Variants in MITF observed in about 807,000 individuals in gnomAD.
The protein encoded by MITF is microphthalmia-associated transcription factor.
MITF carries 17 observed loss-of-function variants against 60.5 expected under a neutral mutation model. That is an observed-to-expected ratio of 0.28 (90% CI 0.19 to 0.42). The LOEUF (loss-of-function observed/expected upper bound fraction) is 0.42, where lower values mean the gene tolerates loss of function less well. Ranked by LOEUF, MITF falls within the 10% of genes least tolerant of loss-of-function variation. MITF has a pLI of 1.00. For synonymous variants in MITF, 260 were observed against 248.5 expected, an observed-to-expected ratio of 1.05 and a Z score of -0.43; for missense variants, 622 against 683.5, an observed-to-expected ratio of 0.91 and a Z score of 1.00.
intron 1 of MITF, among the ~76,000 whole-genome samples, chr3:69,872,385 A>G (rs999711717): frequency 6.6e-6 from 1 of 152,282 alleles, no homozygotes; most frequent in Non-Finnish European, 1.5e-5. Context: ...CATTGTTCGT[A>G]TGTTACAGAG....
intron 2 of MITF, among the ~76,000 whole-genome samples, chr3:69,883,494 A>G (rs1160649254): frequency 6.6e-6 from 1 of 152,166 alleles, no homozygotes; most frequent in Non-Finnish European, 1.5e-5. Context: ...AAATTATGAA[A>G]TCTGCATGGA....
At chr3:69,888,731 C>T (rs1290744172) in intron 2 of MITF, among the ~76,000 whole-genome samples, 1 of 152,030 alleles carries the variant, frequency 6.6e-6, no homozygotes, top group African/African-American at 2.4e-5. Context: ...TATTGTGCAG[C>T]GATGGAAATG....
chr3:69,832,071 A>T (rs1402360485), intron 1 of MITF, among the ~76,000 whole-genome samples: 1 of 152,202 alleles, frequency 6.6e-6, no homozygotes, highest in Non-Finnish European at 1.5e-5. Context: ...ACTGCTACAT[A>T]ACAAATCATG....
chr3:69,930,787 G>A (rs768183530), intron 2 of MITF, among the ~76,000 whole-genome samples: 3 of 152,170 alleles, frequency 2.0e-5, no homozygotes, highest in Non-Finnish European at 4.4e-5. Context: ...CCAGACTTGT[G>A]GCATCACACT....
chr3:69,811,450 T>G (rs557103210), intron 1 of MITF, among the ~76,000 whole-genome samples: 12 of 152,290 alleles, frequency 7.9e-5, no homozygotes, highest in Admixed American at 7.2e-4. Context: ...CACAAAGCCC[T>G]CAGTATTCTC....
intron 2 of MITF, among the ~76,000 whole-genome samples, chr3:69,935,608 A>T (rs2065815463): frequency 6.6e-6 from 1 of 152,246 alleles, no homozygotes; most frequent in Non-Finnish European, 1.5e-5. Context: ...GGACTGCATT[A>T]TCCTGGGCAT....
At chr3:69,755,895 T>C (rs1426246457) in intron 1 of MITF, among the ~76,000 whole-genome samples, 1 of 152,190 alleles carries the variant, frequency 6.6e-6, no homozygotes, top group Non-Finnish European at 1.5e-5. Context: ...TGATTATTGC[T>C]CTCTGCCTAC....
chr3:69,743,763 TAGTC>T (rs1703620124), intron 1 of MITF, among the ~76,000 whole-genome samples: 1 of 152,164 alleles, frequency 6.6e-6, no homozygotes, highest in Admixed American at 6.5e-5. Flanking sequence ...CACATAGGCA[TAGTC>T]ATGGCAGGGA....
intron 1 of MITF, among the ~76,000 whole-genome samples, chr3:69,823,784 T>C (rs894294402): frequency 6.6e-6 from 1 of 152,260 alleles, no homozygotes; most frequent in African/African-American, 2.4e-5. Context: ...GGATCTTTTC[T>C]GTAAGAATTC....
intron 1 of MITF, among the ~76,000 whole-genome samples, chr3:69,856,088 A>G (rs1446931323): frequency 1.3e-5 from 2 of 152,182 alleles, no homozygotes; most frequent in African/African-American, 2.4e-5. Context: ...GGTTTTCTTT[A>G]TCAGACTGAA....
chr3:69,840,237 T>G (rs2063610797), intron 1 of MITF, among the ~76,000 whole-genome samples: 1 of 152,138 alleles, frequency 6.6e-6, no homozygotes, highest in South Asian at 2.1e-4. Flanking sequence ...GGGGTTTGCT[T>G]TCACCCCTTC....
At chr3:69,906,622 T>C (rs2065106104) in intron 2 of MITF, among the ~76,000 whole-genome samples, 1 of 152,144 alleles carries the variant, frequency 6.6e-6, no homozygotes, top group South Asian at 2.1e-4. Flanking sequence ...TGTATAATCT[T>C]TAACATTTTC....
chr3:69,748,607 A>G (rs1307254338), intron 1 of MITF, among the ~76,000 whole-genome samples: 1 of 152,240 alleles, frequency 6.6e-6, no homozygotes, highest in African/African-American at 2.4e-5. Flanking sequence ...GTCTAAGTGC[A>G]TGCCCTATAG....
intron 1 of MITF, among the ~76,000 whole-genome samples, chr3:69,822,762 C>G (rs2063295693): frequency 6.6e-6 from 1 of 152,170 alleles, no homozygotes; most frequent in Non-Finnish European, 1.5e-5. Context: ...CAAATACTTG[C>G]TTGCTTTCCC....
chr3:69,938,644 T>C, intron 3 of MITF: 1 of 1,338,826 alleles, frequency 7.5e-7, no homozygotes, highest in South Asian at 1.9e-5. Flanking sequence ...GAAGGCTGGA[T>C]TGGAAACAAG....
chr3:69,938,718 G>A, intron 3 of MITF: 1 of 1,303,810 alleles, frequency 7.7e-7, no homozygotes, highest in East Asian at 3.2e-5. Context: ...CCTGAGAGCT[G>A]TGATTTAATG....
chr3:69,751,067 A>T (rs1703918813), intron 1 of MITF, among the ~76,000 whole-genome samples: 1 of 152,074 alleles, frequency 6.6e-6, no homozygotes, highest in South Asian at 2.1e-4. Context: ...AATCTCAAAA[A>T]GGGGTTGTAT....
intron 2 of MITF, among the ~76,000 whole-genome samples, chr3:69,899,437 C>CATGGGAAGCCATGGAAAGGT (rs1335975866): frequency 2.6e-5 from 4 of 152,202 alleles, no homozygotes; most frequent in African/African-American, 9.6e-5. Flanking sequence ...CATGGAAAGG[C>CATGGGAAGCCATGGAAAGGT]ATGGGAAGCC....
intron 2 of MITF, among the ~76,000 whole-genome samples, chr3:69,885,980 C>A (rs1374757971): frequency 6.6e-6 from 1 of 152,080 alleles, no homozygotes; most frequent in East Asian, 1.9e-4. Flanking sequence ...TTAGCATCCC[C>A]ATTTCACAGA....
Sources: gnomAD v4.1 joint callset for allele counts (sites outside exome capture counted in the v4.1 genomes callset) on GRCh38, gnomAD v4.1.1 for gene constraint, MANE v1.5 for transcripts, NCBI Gene and HGNC (gene_info 2026-07-23, HGNC 2026-07-21) for gene names.